The following PPFIA4 variants were observed in gnomAD, a reference collection of about 807,000 sequenced individuals.
PPFIA4 encodes the protein liprin-alpha-4.
PPFIA4 carries 98 observed loss-of-function variants against 145.7 expected under a neutral mutation model. The ratio of observed to expected loss-of-function variants is 0.67; its 90% CI spans 0.57 to 0.80. The LOEUF is 0.80. Ranked by LOEUF, PPFIA4 falls within the 30% of genes least tolerant of loss-of-function variation. The pLI, the probability that PPFIA4 is intolerant of heterozygous loss-of-function variation, is 0.00. For synonymous variants in PPFIA4, 628 were observed against 649.6 expected (o/e 0.97, Z 0.51); for missense variants, 1,457 against 1,632.7 (o/e 0.89, Z 1.85).
chr1:203,064,528 A>G lies in PPFIA4; in HGVS notation c.3050+525A>G, dbSNP rs368232093. 1.2e-4 allele frequency among the ~76,000 whole-genome samples: 18 copies of G among 152,246 alleles called. 2 individuals are homozygous for G. The highest frequency in any genetic ancestry group is 7.8e-4 in the Admixed American group (12 of 15,308). ...TCCTCTCCTCCTCTTTGCTGAAAAGATCTTCTGTTCAAAAGTGTCTGCGGC... is the reference window on the plus strand; with the variant it reads ...TCCTCTCCTCCTCTTTGCTGAAAAGGTCTTCTGTTCAAAAGTGTCTGCGGC... On this transcript the variant is annotated intron_variant, in intron 25 of 29. Transcript: ENST00000295706.
At chr1:203,034,678 C>T (rs1324294542) in intron 1 of PPFIA4, 2 of 456,584 alleles carry the variant, frequency 4.4e-6, no homozygotes, top group Non-Finnish European at 4.4e-6. Context: ...CCCATGGCCT[C>T]ATGACCATGT....
chr1:203,026,557 G>C lies in PPFIA4; in HGVS notation c.-472G>C, dbSNP rs1171532665. ...CGCCGGCTCGGCTCTAGGACGTGTC[G>C]GGCTGCACGGGTCGGGGGCGGCTCC... On this transcript the variant is annotated 5_prime_UTR_variant, in exon 1 of 30. Coordinates refer to ENST00000295706, the MANE Select transcript of PPFIA4 (RefSeq NM_001304331.2). 1.3e-5 allele frequency: 2 copies of C among 152,248 alleles called. No individual in the cohort carries two copies. The highest frequency in any genetic ancestry group is 1.9e-4 in the East Asian group (1 of 5,176). 9.4% of individuals were successfully genotyped at this position (152,248 alleles called of 1,614,324 possible). A position where few individuals can be genotyped will look rare whatever the true frequency, so the allele number is the denominator to read the frequency against.
At chr1:203,032,607 ATTT>A (rs144372683) in intron 1 of PPFIA4, among the ~76,000 whole-genome samples, 10,742 of 121,062 alleles carry the variant, frequency 0.089, 601 homozygotes, top group East Asian at 0.21. Flanking sequence ...CCCAGCTAAC[ATTT>A]TTTTTTTTTT....
rs957434839 is a variant in PPFIA4 at position 203,038,598 on chromosome 1, C to T, written c.-399-12C>T. Reference sequence around the variant, plus strand: ...ACCCAGTTGGTACTCACAGCAGTCTCTTTTCCCACAGACACACTGCCCTCC... The same window carrying T: ...ACCCAGTTGGTACTCACAGCAGTCTTTTTTCCCACAGACACACTGCCCTCC... On this transcript the variant is annotated splice_polypyrimidine_tract_variant and intron_variant, in intron 1 of 29. Coordinates refer to ENST00000295706, the MANE Select transcript of PPFIA4 (RefSeq NM_001304331.2). The T allele has an allele frequency of 6.3e-6, 1 of 159,744 alleles. No individual in the cohort carries two copies. Among genetic ancestry groups the T allele is most frequent in the African/African-American group, 2.4e-5 (1 of 41,524 alleles). The allele number at this position is 159,744 out of a possible 1,614,324, so 9.9% of individuals were successfully genotyped here. A position where few individuals can be genotyped will look rare whatever the true frequency, so the allele number is the denominator to read the frequency against.
rs1661315916 is a variant in PPFIA4, at chr1:203,060,928, G to T, written c.2785-42G>T. 1 of 1,585,698 alleles carries T rather than the reference G, an allele frequency of 6.3e-7. No homozygotes were observed. Among genetic ancestry groups the T allele is most frequent in the East Asian group, 2.2e-5 (1 of 44,762 alleles). ...CTCCCAGCCTGATGGGGATCCTGGG[G>T]ACCCACACCCAGGACCAGCTAGGTT... On this transcript the variant is annotated intron_variant, in intron 22 of 29. Transcript: ENST00000295706. This position sits in a 1 kb window ranked among gnomAD's most constrained non-coding sequence, Gnocchi z 4.8.
intron 1 of PPFIA4, chr1:203,034,449 A>T (rs1659070320): frequency 2.2e-6 from 1 of 455,878 alleles, no homozygotes; most frequent in Admixed American, 2.3e-5. Flanking sequence ...AGCCTGAGGC[A>T]TGGGCAGCTG....
In PPFIA4 at chr1:203,043,530, G is replaced by A. The variant is rs751983804; in HGVS notation, c.336+32G>A. On this transcript the variant is annotated intron_variant, in intron 3 of 29. Coordinates refer to ENST00000295706, the MANE Select transcript of PPFIA4 (RefSeq NM_001304331.2). This position sits in a 1 kb window ranked among gnomAD's most constrained non-coding sequence, Gnocchi z 4.4. ...GGGGATGACCTTGTGTCGCGCGCGC[G>A]CACGTGTGTGTGTGTGTGTATGGGG... The A allele has an allele frequency of 2.6e-5, 40 of 1,550,442 alleles. No individual in the cohort carries two copies. Among genetic ancestry groups the A allele is most frequent in the Admixed American group, 7.5e-5 (4 of 53,584 alleles).
At chr1:203,047,137 G>A (rs1199136954) in intron 9 of PPFIA4, among the ~76,000 whole-genome samples, 6 of 152,194 alleles carry the variant, frequency 3.9e-5, no homozygotes, top group Admixed American at 2.6e-4. Context: ...CACAGTGCTC[G>A]GAAGGGAGAG....
intron 27 of PPFIA4, among the ~76,000 whole-genome samples, chr1:203,071,170 AT>A (rs36050212): frequency 0.34 from 39,653 of 116,248 alleles, 4,898 homozygotes; most frequent in African/African-American, 0.45. Flanking sequence ...CAAGACTGCT[AT>A]TTTTTTTTTT....
At chr1:203,057,329 G>T (rs1415094537) in intron 19 of PPFIA4, among the ~76,000 whole-genome samples, 1 of 152,214 alleles carries the variant, frequency 6.6e-6, no homozygotes, top group African/African-American at 2.4e-5. Context: ...AGAAGAGTCA[G>T]TTCTTGATTG....
intron 12 of PPFIA4, 39 bp from the exon 13 acceptor site, chr1:203,049,637 G>GC: frequency 7.1e-7 from 1 of 1,406,390 alleles, no homozygotes; most frequent in Non-Finnish European, 9.4e-7. Flanking sequence ...CCCCTCCCTG[G>GC]CCCCCACTCC....
rs758176931 is a variant in PPFIA4, at chr1:203,048,233, G to T, written c.1147G>T (p.Glu383Ter). The T allele has an allele frequency of 4.3e-6, 7 of 1,612,860 alleles. No homozygotes were observed. ...GACCCATCCCTGCCCCTAGGCTGAAGAACGGCATGGCAACATTGAGGAGCA... is the reference window on the plus strand; with the variant it reads ...GACCCATCCCTGCCCCTAGGCTGAATAACGGCATGGCAACATTGAGGAGCA... ...QRIAALTKAE[E>*]RHGNIEEHLR... The change falls in exon 10 of 30, where the codon GAA (glutamate) becomes TAA (stop). Residue 383 changes from glutamate (E) to a stop codon, truncating the protein, a stop_gained. Coordinates refer to ENST00000295706, the MANE Select transcript of PPFIA4 (RefSeq NM_001304331.2). LOFTEE classifies it high-confidence loss of function. This position sits in a 1 kb window ranked among gnomAD's most constrained non-coding sequence, Gnocchi z 5.8.
intron 14 of PPFIA4, 113 bp downstream of exon 14, chr1:203,051,990 T>A: frequency 8.7e-7 from 1 of 1,144,670 alleles, no homozygotes; most frequent in Non-Finnish European, 1.2e-6. Context: ...TTCCCTCCCG[T>A]GTCAATGACA....
In PPFIA4 at chr1:203,055,293, A is replaced by C; in HGVS notation, c.1830-139A>C. On this transcript the variant is annotated intron_variant, in intron 15 of 29. Transcript: ENST00000295706. This position sits in a 1 kb window ranked among gnomAD's most constrained non-coding sequence, Gnocchi z 4.8. Reference sequence around the variant, plus strand: ...CTAACAAGAAAGAGATGTGTTTCTAAGCTCCAGTGGGACAGACAAAGCCTG... The same window carrying C: ...CTAACAAGAAAGAGATGTGTTTCTACGCTCCAGTGGGACAGACAAAGCCTG... 9.0e-7 allele frequency: 1 copy of C among 1,114,018 alleles called. No homozygotes were observed. Among genetic ancestry groups the C allele is most frequent in the Non-Finnish European group, 1.3e-6 (1 of 764,278 alleles). The allele number at this position is 1,114,018 out of a possible 1,614,324, so 69.0% of individuals were successfully genotyped here.
At position 203,068,046 on chromosome 1, in the gene PPFIA4, G is replaced by T. The variant is rs758169406; in HGVS notation, c.3148+254G>T. On this transcript the variant is annotated intron_variant, in intron 26 of 29. Coordinates refer to ENST00000295706, the MANE Select transcript of PPFIA4 (RefSeq NM_001304331.2). This position sits in a 1 kb window ranked among gnomAD's most constrained non-coding sequence, Gnocchi z 4.7. ...TGGACAAATGCAGTGAATCCTCTGG[G>T]ACGGTGTTATAGACTGGTGTGCCTG... 1.3e-5 allele frequency among the ~76,000 whole-genome samples: 2 copies of T among 152,212 alleles called. No individual in the cohort carries two copies. Among genetic ancestry groups the T allele is most frequent in the Non-Finnish European group, 2.9e-5 (2 of 68,046 alleles).
chr1:203,045,429 G>A lies in PPFIA4; in HGVS notation c.728G>A (p.Ser243Asn). Residue 243 changes from serine to asparagine, a missense_variant, in exon 7 of 30, where the codon AGC becomes AAC. Physicochemically the swap from Ser to Asn is conservative, Grantham distance 46. Transcript: ENST00000295706. ...CTGGAGAAGCAGAACTTTGAGTTGA[G>A]CCAGGCCCGGGAGCGACTGGTCACC... ...ELLEKQNFELSQARERLVTLT... is the reference protein window; with the variant it reads ...ELLEKQNFELNQARERLVTLT... The A allele has an allele frequency of 6.2e-7, 1 of 1,609,454 alleles. No homozygotes were observed. The highest frequency in any genetic ancestry group is 1.1e-5 in the South Asian group (1 of 90,144).
chr1:203,060,102 C>A lies in PPFIA4; in HGVS notation c.2584-115C>A. 1 of 980,072 alleles carries A rather than the reference C, an allele frequency of 1.0e-6. No individual in the cohort carries two copies. The allele number at this position is 980,072 out of a possible 1,614,324, so 60.7% of individuals were successfully genotyped here. ...TTGATGACCGCCACATTCCTATGAT[C>A]TGTATTTGCTATTCGAGTCCGTGGA... On this transcript the variant is annotated intron_variant, in intron 21 of 29. Transcript: ENST00000295706. The surrounding 1 kb of genome is among the most constrained non-coding windows in gnomAD (Gnocchi z 4.8).
intron 15 of PPFIA4, 177 bp downstream of exon 15, chr1:203,054,138 G>A: frequency 1.3e-6 from 1 of 768,902 alleles, no homozygotes; most frequent in Non-Finnish European, 2.2e-6. Context: ...GAGGAGCAGG[G>A]CCTCAGTGGA....
rs970359897 is a variant in PPFIA4, at chr1:203,049,659, C to G, written c.1420-17C>G. On this transcript the variant is annotated splice_polypyrimidine_tract_variant and intron_variant, in intron 12 of 29. Transcript: ENST00000295706. Reference sequence around the variant, plus strand: ...CTGGCCCCCACTCCCGCCCCCACCCCGGGTCTGCTGGCACAGGGCCGCCTG... The same window carrying G: ...CTGGCCCCCACTCCCGCCCCCACCCGGGGTCTGCTGGCACAGGGCCGCCTG... The G allele has an allele frequency of 3.3e-6, 5 of 1,511,692 alleles. No homozygotes were observed. Among genetic ancestry groups the G allele is most frequent in the Non-Finnish European group, 4.4e-6 (5 of 1,125,696 alleles). The allele number at this position is 1,511,692 out of a possible 1,614,324, so 93.6% of individuals were successfully genotyped here.
Sources: allele counts gnomAD v4.1 joint callset (sites outside exome capture counted in the v4.1 genomes callset), GRCh38; gene constraint gnomAD v4.1.1; non-coding constraint Gnocchi (gnomAD v3.1); transcripts MANE v1.5; gene names NCBI Gene and HGNC (gene_info 2026-07-23, HGNC 2026-07-21).